ADSS2: variants seen among roughly 807,000 people sequenced by gnomAD.
ADSS2 encodes adenylosuccinate synthase 2.
A neutral mutation model predicts 60.0 loss-of-function variants in ADSS2; 30 were observed. The observed-to-expected ratio is 0.50, with a 90% confidence interval of 0.37 to 0.68. ADSS2 has a LOEUF of 0.68. Ranked by LOEUF, ADSS2 falls within the 30% of genes least tolerant of loss-of-function variation. ADSS2 has a pLI of 0.00. For synonymous variants in ADSS2, 187 were observed against 193.1 expected (o/e 0.97, Z 0.26); for missense variants, 373 against 554.8 (o/e 0.67, Z 3.29).
At position 244,451,194 on chromosome 1, in the gene ADSS2, CG is replaced by C. The variant is rs925209228; in HGVS notation, c.183+440del. Among the ~76,000 whole-genome samples, 1 of 151,988 alleles carries C rather than the reference CG, an allele frequency of 6.6e-6. No individual in the cohort carries two copies. Among genetic ancestry groups the C allele is most frequent in the African/African-American group, 2.4e-5 (1 of 41,398 alleles). On this transcript the variant is annotated intron_variant, in intron 1 of 12. Transcript: ENST00000366535. The surrounding 1 kb of genome is among the most constrained non-coding windows in gnomAD (Gnocchi z 6.6). ...TCCCACTCCGCCGCCCTGGGCGGGGCGGGGGGGCGGTGATGGGGGGTTCTGC... is the reference window on the plus strand; with the variant it reads ...TCCCACTCCGCCGCCCTGGGCGGGGCGGGGGGCGGTGATGGGGGGTTCTGC...
Position 244,411,233 on chromosome 1 carries a change from A to G in ADSS2, c.1318+54T>C, listed in dbSNP as rs1177676003. On this transcript the variant is annotated intron_variant, in intron 12 of 12. Transcript: ENST00000366535. ...GACTCCGTCTCAAAAAAAAAAAAAG[A>G]AAAAAGAGAGAGAGAGAAAAGAAAA... The G allele has an allele frequency of 2.4e-5, 37 of 1,527,436 alleles. No homozygotes were observed. The South Asian group carries it at 4.5e-4, about 19-fold the overall frequency. The allele number at this position is 1,527,436 out of a possible 1,614,324, so 94.6% of individuals were successfully genotyped here.
chr1:244,426,862 GC>G (rs1364755812), intron 4 of ADSS2, among the ~76,000 whole-genome samples: 1 of 152,032 alleles, frequency 6.6e-6, no homozygotes, highest in African/African-American at 2.4e-5. Context: ...AGCACTATAT[GC>G]CATGCTACAT....
chr1:244,416,171 G>A, intron 10 of ADSS2, 93 bp from the exon 11 acceptor site: 1 of 836,448 alleles, frequency 1.2e-6, no homozygotes, highest in Non-Finnish European at 1.9e-6. Flanking sequence ...AAAAATTCAT[G>A]CAAAGCTTAA....
intron 1 of ADSS2, among the ~76,000 whole-genome samples, chr1:244,444,476 C>T (rs1665333146): frequency 8.3e-6 from 1 of 121,038 alleles, no homozygotes; most frequent in Admixed American, 1.0e-4. Flanking sequence ...GATCCCGCCA[C>T]TGCACTCCAG....
chr1:244,443,161 TTTG>T (rs1321518512), intron 1 of ADSS2, among the ~76,000 whole-genome samples: 5 of 152,200 alleles, frequency 3.3e-5, no homozygotes, highest in Non-Finnish European at 5.9e-5. Context: ...TGGGAGATAT[TTTG>T]TTGTTGTTGT....
intron 10 of ADSS2, 41 bp from the exon 11 acceptor site, chr1:244,416,119 T>C: frequency 7.4e-7 from 1 of 1,356,428 alleles, no homozygotes; most frequent in Non-Finnish European, 1.0e-6. Context: ...GAGCAGACTC[T>C]TAAAGCCTCT....
At chr1:244,437,829 C>T in intron 1 of ADSS2, 61 bp from the exon 2 acceptor site, 1 of 1,259,300 alleles carries the variant, frequency 7.9e-7, no homozygotes, top group South Asian at 1.2e-5. Flanking sequence ...AACCTATCTC[C>T]CTCCAAAGTG....
intron 1 of ADSS2, among the ~76,000 whole-genome samples, chr1:244,441,636 C>G (rs1425225476): frequency 6.6e-6 from 1 of 151,992 alleles, no homozygotes; most frequent in Non-Finnish European, 1.5e-5. Flanking sequence ...GTCACCCTGC[C>G]TAACTACAAC....
At chr1:244,413,847 T>C (rs1664471266) in intron 11 of ADSS2, among the ~76,000 whole-genome samples, 1 of 152,112 alleles carries the variant, frequency 6.6e-6, no homozygotes, top group African/African-American at 2.4e-5. Context: ...ATCTCATTAT[T>C]ATACCTTAAC....
Position 244,437,669 on chromosome 1 carries a change from T to A in ADSS2, c.283A>T (p.Ile95Phe), listed in dbSNP as rs1166400002. The A allele has an allele frequency of 2.5e-6, 4 of 1,571,190 alleles. No individual in the cohort carries two copies. Among genetic ancestry groups the A allele is most frequent in the Non-Finnish European group, 3.5e-6 (4 of 1,142,360 alleles). Residue 95 changes from isoleucine (I) to phenylalanine (F), a missense_variant, in exon 2 of 13, where the codon ATT (isoleucine) becomes TTT (phenylalanine). Ile to Phe is a conservative substitution (Grantham distance 21). This residue lies in a region of ADSS2 where 139 missense variants were observed against 189.4 expected (regional missense o/e 0.73). Transcript: ENST00000366535. ...GIINPNVTAFIGNGVVIHLPG... is the reference protein window; with the variant it reads ...GIINPNVTAFFGNGVVIHLPG... ...GCAGTTCAGTTTATATACTTACCAA[T>A]GAATGCAGTGACATTTGGATTAATT...
At chr1:244,441,517 G>GA (rs1228745163) in intron 1 of ADSS2, among the ~76,000 whole-genome samples, 2 of 150,988 alleles carry the variant, frequency 1.3e-5, no homozygotes, top group Non-Finnish European at 3.0e-5. Context: ...GTCAAACCAG[G>GA]TTTTTTTTTA....
intron 11 of ADSS2, among the ~76,000 whole-genome samples, chr1:244,415,536 A>G (rs923651313): frequency 2.6e-5 from 4 of 152,196 alleles, no homozygotes; most frequent in African/African-American, 9.7e-5. Flanking sequence ...TCAAATGACT[A>G]CTATAGAATA....
At chr1:244,416,792 AC>A (rs1270824683) in intron 10 of ADSS2, among the ~76,000 whole-genome samples, 9 of 152,208 alleles carry the variant, frequency 5.9e-5, no homozygotes, top group African/African-American at 1.9e-4. Context: ...CACTCTGGTT[AC>A]CATCACCTCT....
At chr1:244,413,819 C>A (rs1039564992) in intron 11 of ADSS2, among the ~76,000 whole-genome samples, 20 of 152,160 alleles carry the variant, frequency 1.3e-4, no homozygotes, top group African/African-American at 4.6e-4. Context: ...GGTGCTCCAG[C>A]ACTGCTGGAT....
chr1:244,429,545 T>G (rs914611072), intron 4 of ADSS2, among the ~76,000 whole-genome samples: 1 of 152,212 alleles, frequency 6.6e-6, no homozygotes, highest in Non-Finnish European at 1.5e-5. Flanking sequence ...TTATTTGATT[T>G]TTTAATGATA....
At chr1:244,427,089 C>G (rs1664824417) in intron 4 of ADSS2, among the ~76,000 whole-genome samples, 1 of 152,072 alleles carries the variant, frequency 6.6e-6, no homozygotes, top group African/African-American at 2.4e-5. Flanking sequence ...ACTTCTCAGG[C>G]CATTTTCCCT....
intron 11 of ADSS2, among the ~76,000 whole-genome samples, 185 bp downstream of exon 11, chr1:244,415,796 C>G (rs991519726): frequency 9.5e-6 from 1 of 105,384 alleles, no homozygotes; most frequent in Non-Finnish European, 2.1e-5. Context: ...TTGTTGTGAC[C>G]CAACACCTAA....
intron 11 of ADSS2, among the ~76,000 whole-genome samples, chr1:244,413,752 G>A (rs1664469415): frequency 6.6e-6 from 1 of 152,098 alleles, no homozygotes; most frequent in South Asian, 2.1e-4. Context: ...AGTTGGGGGT[G>A]GAACAAAGAC....
At chr1:244,449,995 T>C (rs754490608) in intron 1 of ADSS2, among the ~76,000 whole-genome samples, 19 of 152,216 alleles carry the variant, frequency 1.2e-4, no homozygotes, top group Non-Finnish European at 2.4e-4. Flanking sequence ...AATACCATAA[T>C]GGTTGTGTTC....
Sources: allele counts gnomAD v4.1 joint callset (sites outside exome capture counted in the v4.1 genomes callset), GRCh38; gene constraint gnomAD v4.1.1; regional missense constraint gnomAD v4.1.1; non-coding constraint Gnocchi (gnomAD v3.1); transcripts MANE v1.5; gene names NCBI Gene and HGNC (gene_info 2026-07-23, HGNC 2026-07-21).